The following CAMTA1 variants were observed in gnomAD, a reference collection of about 807,000 sequenced individuals.
The protein encoded by CAMTA1 is calmodulin binding transcription activator 1.
A neutral mutation model predicts 170.9 loss-of-function variants in CAMTA1; 27 were observed. The ratio of observed to expected loss-of-function variants is 0.16; its 90% CI spans 0.12 to 0.22. The LOEUF (loss-of-function observed/expected upper bound fraction) is 0.22. Ranked by LOEUF, CAMTA1 falls within the 10% of genes least tolerant of loss-of-function variation. CAMTA1 has a pLI of 1.00. For synonymous variants in CAMTA1, 833 were observed against 891.5 expected (o/e 0.93, Z 1.17); for missense variants, 1,619 against 2,217.2 (o/e 0.73, Z 5.42).
chr1:6,815,806 G>C (rs1257461606), intron 1 of CAMTA1, among the ~76,000 whole-genome samples: 1 of 152,176 alleles, frequency 6.6e-6, no homozygotes, highest in Admixed American at 6.5e-5. Flanking sequence ...GTTAGAGGCA[G>C]AATCTCAGGT....
At position 7,224,722 on chromosome 1, in the gene CAMTA1, C is replaced by T. The variant is rs976246718; in HGVS notation, c.303-24769C>T. Among the ~76,000 whole-genome samples, 3 of 152,256 alleles carry T rather than the reference C, an allele frequency of 2.0e-5. No individual in the cohort carries two copies. Among genetic ancestry groups the T allele is most frequent in the Admixed American group, 2.0e-4 (3 of 15,292 alleles). ...AGGGTTAGTGGGGACCTGATGAAAG[C>T]CCACCTGGGGCTCTTGATGTGGGAG... On this transcript the variant is annotated intron_variant, in intron 4 of 22. Coordinates refer to ENST00000303635, the MANE Select transcript of CAMTA1 (RefSeq NM_015215.4). The surrounding 1 kb of genome is among the most constrained non-coding windows in gnomAD (Gnocchi z 5.2).
chr1:7,058,625 T>C (rs979517970), intron 3 of CAMTA1, among the ~76,000 whole-genome samples: 1 of 151,650 alleles, frequency 6.6e-6, no homozygotes, highest in African/African-American at 2.4e-5. Context: ...GGTGTTGGAG[T>C]TCCAGGCACA....
Position 7,750,499 on chromosome 1 carries a change from T to C in CAMTA1, c.4690-700T>C, listed in dbSNP as rs149933664. Among the ~76,000 whole-genome samples the C allele has an allele frequency of 3.6e-4, 55 of 152,382 alleles. 1 individual carries two copies. Among genetic ancestry groups the C allele is most frequent in the East Asian group, 2.9e-3 (15 of 5,188 alleles). ...TGTATTTTTAGTGCCTAGAGACTGA[T>C]GTTGAGAATTCACCCTGGGCCTTCG... On this transcript the variant is annotated intron_variant, in intron 19 of 22. Coordinates refer to ENST00000303635, the MANE Select transcript of CAMTA1 (RefSeq NM_015215.4).
intron 5 of CAMTA1, among the ~76,000 whole-genome samples, chr1:7,331,220 C>T (rs2083011334): frequency 6.6e-6 from 1 of 152,138 alleles, no homozygotes; most frequent in Non-Finnish European, 1.5e-5. Flanking sequence ...GTCTGGGCAA[C>T]AAAGCGAGAC....
intron 4 of CAMTA1, among the ~76,000 whole-genome samples, chr1:7,175,753 C>A (rs777169484): frequency 6.6e-6 from 1 of 152,248 alleles, no homozygotes; most frequent in Non-Finnish European, 1.5e-5. Context: ...TCTCCCCTCC[C>A]CTCTGGGCAG....
rs1438795610 is a variant in CAMTA1 at position 7,641,909 on chromosome 1, A to T, written c.664+1356A>T. On this transcript the variant is annotated intron_variant, in intron 7 of 22. Transcript: ENST00000303635. The surrounding 1 kb of genome is among the most constrained non-coding windows in gnomAD (Gnocchi z 4.5). ...AAACCACTCAATGCCCATTCAATGC[A>T]CGCTCAATGCCCAAGCTCCTGAGCA... 6.6e-6 allele frequency among the ~76,000 whole-genome samples: 1 copy of T among 152,102 alleles called. No individual in the cohort carries two copies. The highest frequency in any genetic ancestry group is 2.4e-5 in the African/African-American group (1 of 41,412).
rs1663356362 is a variant in CAMTA1, at chr1:7,234,068, T to C, written c.303-15423T>C. 6.6e-6 allele frequency among the ~76,000 whole-genome samples: 1 copy of C among 152,232 alleles called. No individual in the cohort carries two copies. The highest frequency in any genetic ancestry group is 1.5e-5 in the Non-Finnish European group (1 of 68,044). On this transcript the variant is annotated intron_variant, in intron 4 of 22. Transcript: ENST00000303635. This position sits in a 1 kb window ranked among gnomAD's most constrained non-coding sequence, Gnocchi z 5.0. ...CTCGCTTTTCCTTCATCGCTGTTAA[T>C]ACACGTGTACCCTTGGTTAATTCGT...
At chr1:7,096,929 C>T (rs976367361) in intron 4 of CAMTA1, among the ~76,000 whole-genome samples, 5 of 152,172 alleles carry the variant, frequency 3.3e-5, no homozygotes, top group South Asian at 2.1e-4. Flanking sequence ...CACCCTTTTC[C>T]GTTTATTTTC....
intron 3 of CAMTA1, among the ~76,000 whole-genome samples, chr1:6,968,193 C>G (rs1054016818): frequency 6.6e-6 from 1 of 152,082 alleles, no homozygotes; most frequent in African/African-American, 2.4e-5. Flanking sequence ...CTTGGTGTGC[C>G]GAGAAAACGG....
intron 3 of CAMTA1, among the ~76,000 whole-genome samples, chr1:7,052,855 C>G (rs533279266): frequency 1.3e-4 from 20 of 152,348 alleles, no homozygotes; most frequent in South Asian, 6.2e-4. Context: ...CTGTCTGGCT[C>G]TCTGGTCTCT....
chr1:7,575,785 AC>A (rs2150360866), intron 6 of CAMTA1, among the ~76,000 whole-genome samples: 1 of 152,336 alleles, frequency 6.6e-6, no homozygotes, highest in Non-Finnish European at 1.5e-5. Flanking sequence ...AAGTGGTAAC[AC>A]CTTATTGGAT....
At chr1:7,708,009 C>G (rs1420703785) in intron 11 of CAMTA1, among the ~76,000 whole-genome samples, 2 of 152,180 alleles carry the variant, frequency 1.3e-5, no homozygotes, top group East Asian at 3.9e-4. Context: ...CTCATTAAAA[C>G]CATGATATGA....
chr1:7,103,639 GCA>G (rs1396273886), intron 4 of CAMTA1, among the ~76,000 whole-genome samples: 5 of 107,806 alleles, frequency 4.6e-5, no homozygotes, highest in Admixed American at 9.3e-5. Flanking sequence ...CTACACACAC[GCA>G]CACACAACAC....
chr1:7,567,104 G>T (rs1304920151), intron 6 of CAMTA1, among the ~76,000 whole-genome samples: 1 of 152,220 alleles, frequency 6.6e-6, no homozygotes, highest in African/African-American at 2.4e-5. Flanking sequence ...CCTCAAGTGT[G>T]GATAATAACT....
At chr1:7,429,156 T>C (rs561485523) in intron 5 of CAMTA1, among the ~76,000 whole-genome samples, 11 of 152,294 alleles carry the variant, frequency 7.2e-5, no homozygotes, top group Non-Finnish European at 1.5e-4. Context: ...ACCTACAGGG[T>C]GTATGTCCTT....
intron 6 of CAMTA1, among the ~76,000 whole-genome samples, chr1:7,554,698 C>T (rs971991793): frequency 3.9e-5 from 6 of 152,132 alleles, no homozygotes; most frequent in African/African-American, 1.2e-4. Flanking sequence ...CTCTCCTTAG[C>T]GTCTGCCTTT....
intron 3 of CAMTA1, among the ~76,000 whole-genome samples, chr1:6,866,976 G>A (rs1362730297): frequency 6.6e-6 from 1 of 152,226 alleles, no homozygotes; most frequent in Non-Finnish European, 1.5e-5. Flanking sequence ...TCCTTTGTGT[G>A]GATGGCCACA....
intron 3 of CAMTA1, among the ~76,000 whole-genome samples, chr1:6,913,363 G>T (rs899550190): frequency 2.0e-5 from 3 of 152,182 alleles, no homozygotes; most frequent in Non-Finnish European, 4.4e-5. Context: ...TGAGGAGCCT[G>T]CAGAAACCTC....
intron 11 of CAMTA1, among the ~76,000 whole-genome samples, chr1:7,704,465 C>T (rs1203425805): frequency 1.4e-5 from 2 of 145,790 alleles, no homozygotes; most frequent in African/African-American, 4.9e-5. Context: ...GACCGGGGGC[C>T]CGGCTCTCGC....
Sources: gnomAD v4.1 joint callset for allele counts (sites outside exome capture counted in the v4.1 genomes callset) on GRCh38, gnomAD v4.1.1 for gene constraint, Gnocchi (gnomAD v3.1) non-coding constraint, MANE v1.5 for transcripts, NCBI Gene and HGNC (gene_info 2026-07-23, HGNC 2026-07-21) for gene names.